DOCK4: variants seen among roughly 807,000 people sequenced by gnomAD.
DOCK4 encodes dedicator of cytokinesis protein 4.
A neutral mutation model predicts 268.1 loss-of-function variants in DOCK4; 97 were observed. The observed-to-expected ratio is 0.36, with a 90% CI of 0.31 to 0.43. The LOEUF (loss-of-function observed/expected upper bound fraction) is 0.43. Among genes scored for constraint, DOCK4 ranks in the 20% least tolerant of loss-of-function variants. The pLI, the probability that DOCK4 is intolerant of heterozygous loss-of-function variation, is 1.00. For synonymous variants in DOCK4, 954 were observed against 887.2 expected, an observed-to-expected ratio of 1.08 and a Z score of -1.34; for missense variants, 2,145 against 2,455.7, an observed-to-expected ratio of 0.87 and a Z score of 2.67.
chr7:112,189,574 T>C (rs986441016), intron 1 of DOCK4, among the ~76,000 whole-genome samples: 1 of 152,182 alleles, frequency 6.6e-6, no homozygotes, highest in East Asian at 1.9e-4. Context: ...TCAAATAACA[T>C]GTACATTTTC....
chr7:111,770,337 G>A (rs1484483747), intron 36 of DOCK4, among the ~76,000 whole-genome samples: 1 of 152,012 alleles, frequency 6.6e-6, no homozygotes, highest in African/African-American at 2.4e-5. Context: ...GTGTATTTGT[G>A]TGTGTGAGAG....
chr7:112,033,755 T>A (rs953290438), intron 1 of DOCK4, among the ~76,000 whole-genome samples: 1 of 152,306 alleles, frequency 6.6e-6, no homozygotes. Context: ...AACACAGTCC[T>A]TGGAAATCTG....
At chr7:111,969,724 T>C (rs1797550959) in intron 8 of DOCK4, among the ~76,000 whole-genome samples, 1 of 151,004 alleles carries the variant, frequency 6.6e-6, no homozygotes, top group Non-Finnish European at 1.5e-5. Flanking sequence ...AATTGACATA[T>C]GCCAAAACAG....
chr7:111,803,929 C>CA (rs1163492259), intron 30 of DOCK4, among the ~76,000 whole-genome samples: 1 of 152,064 alleles, frequency 6.6e-6, no homozygotes, highest in Non-Finnish European at 1.5e-5. Flanking sequence ...TGACTACTGT[C>CA]AAAAAACCAG....
At chr7:111,939,190 G>A (rs533479637) in intron 11 of DOCK4, among the ~76,000 whole-genome samples, 3 of 152,032 alleles carry the variant, frequency 2.0e-5, no homozygotes, top group South Asian at 4.2e-4. Flanking sequence ...CTTCATCTGG[G>A]AAATGTGAGA....
intron 1 of DOCK4, among the ~76,000 whole-genome samples, chr7:112,042,438 T>C (rs542507124): frequency 2.6e-5 from 4 of 152,118 alleles, no homozygotes; most frequent in East Asian, 1.9e-4. Flanking sequence ...CCAAACAATA[T>C]TGAACAAAAT....
chr7:111,734,005 T>A (rs1419748), intron 51 of DOCK4, among the ~76,000 whole-genome samples: 7 of 151,940 alleles, frequency 4.6e-5, no homozygotes, highest in Non-Finnish European at 7.4e-5. Flanking sequence ...TGGCTCAATC[T>A]TGGCTCACTG....
intron 20 of DOCK4, among the ~76,000 whole-genome samples, chr7:111,870,054 T>C (rs149825036): frequency 7.9e-4 from 120 of 152,310 alleles, no homozygotes; most frequent in African/African-American, 2.7e-3. Context: ...ATCATTAGGC[T>C]GCAGGCAAAA....
At chr7:112,176,623 T>C (rs1407683606) in intron 1 of DOCK4, among the ~76,000 whole-genome samples, 2 of 152,216 alleles carry the variant, frequency 1.3e-5, no homozygotes, top group East Asian at 1.9e-4. Context: ...TTTGCACAAA[T>C]CTGCCAATTA....
chr7:111,835,383 T>C (rs1441070056), intron 25 of DOCK4, among the ~76,000 whole-genome samples: 4 of 152,184 alleles, frequency 2.6e-5, no homozygotes, highest in Admixed American at 6.6e-5. Flanking sequence ...ATTTTTTTAA[T>C]TGGCCATTCT....
intron 44 of DOCK4, among the ~76,000 whole-genome samples, chr7:111,743,140 G>C (rs1298533123): frequency 6.6e-6 from 1 of 152,154 alleles, no homozygotes; most frequent in African/African-American, 2.4e-5. Context: ...ACCTTCCTTT[G>C]TGCAACCATC....
At chr7:111,761,153 C>CA (rs201588705) in intron 39 of DOCK4, among the ~76,000 whole-genome samples, 1,603 of 151,912 alleles carry the variant, frequency 0.011, 32 homozygotes, top group African/African-American at 0.035. Flanking sequence ...CTCCGTCTCC[C>CA]ACTTCAAGCA....
chr7:112,164,755 G>A (rs973819625), intron 1 of DOCK4, among the ~76,000 whole-genome samples: 1 of 152,176 alleles, frequency 6.6e-6, no homozygotes, highest in African/African-American at 2.4e-5. Context: ...GAATCTTTGT[G>A]ACCATCCTGA....
intron 1 of DOCK4, among the ~76,000 whole-genome samples, chr7:112,150,419 C>T (rs934863869): frequency 1.3e-5 from 2 of 152,126 alleles, no homozygotes; most frequent in African/African-American, 2.4e-5. Context: ...TGAATCTGCT[C>T]ATTCTGTCTA....
At chr7:112,018,179 A>AAAAAAAAAAAAAAAAAAAAACACAC in intron 1 of DOCK4, among the ~76,000 whole-genome samples, 1 of 72,590 alleles carries the variant, frequency 1.4e-5, no homozygotes, top group Admixed American at 1.3e-4. Context: ...AAAAAAAAAA[A>AAAAAAAAAAAAAAAAAAAAACACAC]ACACAGGCAA....
chr7:111,991,189 AG>A (rs56246305), intron 5 of DOCK4, among the ~76,000 whole-genome samples: 5,386 of 152,280 alleles, frequency 0.035, 184 homozygotes, highest in East Asian at 0.15. Flanking sequence ...AACACTAATA[AG>A]AAAAGGTTGC....
chr7:111,849,983 TG>T (rs1804415057), intron 23 of DOCK4, among the ~76,000 whole-genome samples: 1 of 152,186 alleles, frequency 6.6e-6, no homozygotes, highest in Non-Finnish European at 1.5e-5. Flanking sequence ...AGCTTTCTCT[TG>T]TCTGCAAGTC....
intron 1 of DOCK4, among the ~76,000 whole-genome samples, chr7:112,049,562 C>G (rs10261950): frequency 0.26 from 38,828 of 151,952 alleles, 10,200 homozygotes; most frequent in African/African-American, 0.66. Context: ...AAATGCCAAT[C>G]GGTGTAAATA....
intron 25 of DOCK4, chr7:111,841,015 T>C (rs983222327): frequency 2.5e-6 from 1 of 402,944 alleles, no homozygotes; most frequent in African/African-American, 2.1e-5. Context: ...AATCATGATA[T>C]GACTGTGACT....
Sources: gnomAD v4.1 joint callset for allele counts (sites outside exome capture counted in the v4.1 genomes callset) on GRCh38, gnomAD v4.1.1 for gene constraint, MANE v1.5 for transcripts, NCBI Gene and HGNC (gene_info 2026-07-23, HGNC 2026-07-21) for gene names.